The following MGAT5 variants were observed in gnomAD, a reference collection of about 807,000 sequenced individuals.
MGAT5 encodes the protein alpha-1,6-mannosylglycoprotein 6-beta-N-acetylglucosaminyltransferase, also known as alpha-1,6-mannosylglycoprotein 6-beta-N-acetylglucosaminyltransferase A.
In MGAT5, 30 loss-of-function variants were observed where a neutral mutation model predicts 94.3. That is an observed-to-expected ratio of 0.32 (90% confidence interval 0.24 to 0.43). The LOEUF is 0.43. Ranked by LOEUF, MGAT5 falls within the 20% of genes least tolerant of loss-of-function variation. The pLI is 1.00. For missense variants in MGAT5, 691 were observed against 905.5 expected, an observed-to-expected ratio of 0.76 and a Z score of 3.04; for synonymous variants, 310 against 322.9, an observed-to-expected ratio of 0.96 and a Z score of 0.43.
chr2:134,295,823 CT>C lies in MGAT5; in HGVS notation c.407-21705del, dbSNP rs536547404. Among the ~76,000 whole-genome samples the C allele has an allele frequency of 7.5e-3, 1,144 of 152,282 alleles. 12 individuals are homozygous for C. Among genetic ancestry groups the C allele is most frequent in the African/African-American group, 0.026 (1,094 of 41,550 alleles). On this transcript the variant is annotated intron_variant, in intron 2 of 15. Coordinates refer to ENST00000281923, the MANE Select transcript of MGAT5 (RefSeq NM_002410.5). ...TTGCCTTAATATAACAGATACTCCC[CT>C]GTCTTAATCTAAACAGTGCTTAAGG...
chr2:134,242,033 C>T (rs754654332), intron 1 of MGAT5, among the ~76,000 whole-genome samples: 3 of 152,290 alleles, frequency 2.0e-5, no homozygotes, highest in Non-Finnish European at 4.4e-5. Flanking sequence ...ACCTAATGAG[C>T]ATGCTTATCT....
intron 8 of MGAT5, 107 bp downstream of exon 8, chr2:134,345,171 A>G (rs2290048): frequency 0.29 from 334,904 of 1,172,808 alleles, 49,522 homozygotes; most frequent in Middle Eastern, 0.5. Flanking sequence ...TTTCAGCTGT[A>G]TGGAGTGTTG....
chr2:134,217,725 C>T (rs1680569691), intron 1 of MGAT5, among the ~76,000 whole-genome samples: 1 of 152,156 alleles, frequency 6.6e-6, no homozygotes, highest in South Asian at 2.1e-4. Flanking sequence ...GGATTTCTGA[C>T]TTACAGTTAG....
intron 2 of MGAT5, among the ~76,000 whole-genome samples, chr2:134,283,645 CTT>C (rs35922830): frequency 0.011 from 730 of 69,022 alleles, 3 homozygotes; most frequent in African/African-American, 0.041. Flanking sequence ...AATGTAGTAT[CTT>C]TTTTTTTTTT....
chr2:134,289,477 G>A (rs984240260), intron 2 of MGAT5, among the ~76,000 whole-genome samples: 1 of 152,190 alleles, frequency 6.6e-6, no homozygotes, highest in Non-Finnish European at 1.5e-5. Flanking sequence ...GCATGTAGAT[G>A]TTGAGGGACT....
At chr2:134,407,107 C>T (rs1001650888) in intron 11 of MGAT5, among the ~76,000 whole-genome samples, 8 of 152,158 alleles carry the variant, frequency 5.3e-5, no homozygotes, top group Non-Finnish European at 1.2e-4. Context: ...TTCTCGTATA[C>T]CCTGCGCCTA....
At chr2:134,337,091 CAA>C (rs1299093192) in intron 5 of MGAT5, among the ~76,000 whole-genome samples, 1 of 152,126 alleles carries the variant, frequency 6.6e-6, no homozygotes. Flanking sequence ...ATTTTATGCA[CAA>C]AAACAAGCTG....
chr2:134,417,249 T>C (rs1684029007), intron 12 of MGAT5, among the ~76,000 whole-genome samples: 1 of 152,128 alleles, frequency 6.6e-6, no homozygotes, highest in Non-Finnish European at 1.5e-5. Flanking sequence ...TTCATCTAGC[T>C]TCTTCTTATG....
chr2:134,399,452 A>C (rs566476752), intron 10 of MGAT5, among the ~76,000 whole-genome samples: 3 of 152,320 alleles, frequency 2.0e-5, no homozygotes, highest in Admixed American at 6.5e-5. Flanking sequence ...TTCCCTTTGC[A>C]TCTCCTCCCC....
At chr2:134,270,643 T>C (rs1683974332) in intron 2 of MGAT5, 93 bp downstream of exon 2, 4 of 1,249,474 alleles carry the variant, frequency 3.2e-6, no homozygotes, top group African/African-American at 3.0e-5. Flanking sequence ...TACTGGAACC[T>C]GCATAATATA....
chr2:134,395,708 C>T (rs1023964045), intron 10 of MGAT5, among the ~76,000 whole-genome samples: 7 of 152,214 alleles, frequency 4.6e-5, no homozygotes, highest in African/African-American at 1.4e-4. Context: ...GACCATTGCT[C>T]TTTCCGTACC....
At chr2:134,350,034 C>T in intron 9 of MGAT5, 96 bp downstream of exon 9, 1 of 1,393,390 alleles carries the variant, frequency 7.2e-7, no homozygotes, top group Non-Finnish European at 1.0e-6. Context: ...TTCTCAGGAC[C>T]ATTAGCTGTA....
At chr2:134,389,587 G>T (rs1276698294) in intron 10 of MGAT5, among the ~76,000 whole-genome samples, 1 of 152,178 alleles carries the variant, frequency 6.6e-6, no homozygotes, top group Non-Finnish European at 1.5e-5. Context: ...AGCCCCTGAG[G>T]CCTGTAGTCA....
chr2:134,169,254 T>A (rs1321703087), intron 1 of MGAT5, among the ~76,000 whole-genome samples: 1 of 152,070 alleles, frequency 6.6e-6, no homozygotes. Flanking sequence ...AAATGGGATT[T>A]CAAGGCCGGG....
intron 10 of MGAT5, among the ~76,000 whole-genome samples, chr2:134,371,983 A>G (rs1257822739): frequency 1.3e-4 from 19 of 150,058 alleles, no homozygotes; most frequent in African/African-American, 4.4e-4. Context: ...CTTAAGTGCC[A>G]GCTGGGAACT....
chr2:134,262,050 A>C (rs1022274896), intron 1 of MGAT5, among the ~76,000 whole-genome samples: 1 of 152,222 alleles, frequency 6.6e-6, no homozygotes, highest in Admixed American at 6.5e-5. Context: ...TGTGTTCCTT[A>C]CTGATGTGTG....
chr2:134,170,853 CTCTTTTTTTTTTT>C lies in MGAT5; in HGVS notation c.-143+50573_-143+50585del, dbSNP rs535001838. ...AGCACATAGTAGATATAGATCTCTA[CTCTTTTTTTTTTT>C]TCTTTTTTTTGAGACGGAATATTGC... On this transcript the variant is annotated intron_variant, in intron 1 of 16. Transcript: ENST00000409645. Among the ~76,000 whole-genome samples, 583 of 132,980 alleles carry C rather than the reference CTCTTTTTTTTTTT, an allele frequency of 4.4e-3. 5 individuals are homozygous for C. Among genetic ancestry groups the C allele is most frequent in the African/African-American group, 0.018 (553 of 30,224 alleles). The allele number at this position is 132,980 out of a possible 152,430, so 87.2% of individuals were successfully genotyped here.
chr2:134,437,884 A>C (rs974287966), intron 14 of MGAT5, among the ~76,000 whole-genome samples: 1 of 152,086 alleles, frequency 6.6e-6, no homozygotes, highest in African/African-American at 2.4e-5. Context: ...GTGTGATGGC[A>C]TGTACCTGTA....
chr2:134,367,030 G>A (rs780834820), intron 10 of MGAT5, among the ~76,000 whole-genome samples: 16 of 152,190 alleles, frequency 1.1e-4, no homozygotes, highest in Non-Finnish European at 2.1e-4. Flanking sequence ...AGTGGGCTCT[G>A]AGAGGAGGTG....
Sources: gnomAD v4.1 joint callset for allele counts (sites outside exome capture counted in the v4.1 genomes callset) on GRCh38, gnomAD v4.1.1 for gene constraint, MANE v1.5 for transcripts, NCBI Gene and HGNC (gene_info 2026-07-23, HGNC 2026-07-21) for gene names.